The following RALGPS2 variants were observed in gnomAD, a reference collection of about 807,000 sequenced individuals.
The protein encoded by RALGPS2 is Ral GEF with PH domain and SH3 binding motif 2.
Under a neutral mutation model 86.8 loss-of-function variants are expected in RALGPS2, and 43 were observed. The observed-to-expected ratio is 0.50, with a 90% CI of 0.39 to 0.64. RALGPS2 has a LOEUF of 0.64. Among genes scored for constraint, RALGPS2 ranks in the 30% least tolerant of loss-of-function variants. The pLI, the probability that RALGPS2 is intolerant of heterozygous loss-of-function variation, is 0.00. For missense variants in RALGPS2, 536 were observed against 694.6 expected (o/e 0.77, Z 2.57); for synonymous variants, 243 against 231.3 (o/e 1.05, Z -0.46).
At chr1:178,893,292 G>T (rs1365716646) in intron 15 of RALGPS2, among the ~76,000 whole-genome samples, 4 of 151,266 alleles carry the variant, frequency 2.6e-5, no homozygotes, top group African/African-American at 4.8e-5. Flanking sequence ...TTGAGTTTTG[G>T]GTTTTTTCCT....
intron 1 of RALGPS2, among the ~76,000 whole-genome samples, chr1:178,767,869 C>T (rs566664872): frequency 3.3e-5 from 5 of 152,234 alleles, no homozygotes; most frequent in South Asian, 2.1e-4. Context: ...TGGGGATGCC[C>T]GCCCTGCCAT....
intron 11 of RALGPS2, among the ~76,000 whole-genome samples, chr1:178,883,780 T>C (rs1286742101): frequency 6.6e-6 from 1 of 151,904 alleles, no homozygotes; most frequent in Non-Finnish European, 1.5e-5. Context: ...GGTCAGGAGA[T>C]CAAGACCATC....
At chr1:178,895,606 G>A (rs1276570081) in intron 16 of RALGPS2, among the ~76,000 whole-genome samples, 1 of 152,074 alleles carries the variant, frequency 6.6e-6, no homozygotes, top group Non-Finnish European at 1.5e-5. Context: ...AAGAAGGCTT[G>A]TGTAGTTTAC....
chr1:178,725,771 C>G (rs983030746), intron 1 of RALGPS2: 2 of 152,208 alleles, frequency 1.3e-5, no homozygotes, highest in Non-Finnish European at 2.9e-5. Flanking sequence ...AGCCTCCGCC[C>G]GCTCTGTTCT....
At position 178,747,365 on chromosome 1, in the gene RALGPS2, A is replaced by C; in HGVS notation, c.-84+21946A>C. On this transcript the variant is annotated intron_variant, in intron 1 of 19. Coordinates refer to ENST00000367635, the MANE Select transcript of RALGPS2 (RefSeq NM_152663.5). ...GGTTTCACCACTATTGATATTTTCT[A>C]ATTGTGGTAGATGTACTGTATAATA... The C allele has an allele frequency of 2.0e-6, 3 of 1,534,580 alleles. No individual in the cohort carries two copies. In the South Asian group the frequency reaches 3.4e-5, roughly 17 times the overall value.
At chr1:178,839,403 A>G (rs1656462858) in intron 8 of RALGPS2, among the ~76,000 whole-genome samples, 2 of 152,216 alleles carry the variant, frequency 1.3e-5, no homozygotes, top group South Asian at 4.1e-4. Context: ...TTTCATATCC[A>G]GCCAAACTAA....
intron 14 of RALGPS2, among the ~76,000 whole-genome samples, chr1:178,891,778 T>A (rs903403938): frequency 6.6e-6 from 1 of 152,082 alleles, no homozygotes; most frequent in African/African-American, 2.4e-5. Context: ...CTCATGAGTT[T>A]ACAAGCCACA....
intron 9 of RALGPS2, among the ~76,000 whole-genome samples, chr1:178,878,033 C>G (rs995773534): frequency 1.3e-5 from 2 of 152,020 alleles, no homozygotes; most frequent in African/African-American, 4.8e-5. Context: ...TTTGATCTCC[C>G]TGATCTATTA....
intron 4 of RALGPS2, among the ~76,000 whole-genome samples, chr1:178,794,597 T>C (rs1261899356): frequency 1.3e-5 from 2 of 152,236 alleles, no homozygotes; most frequent in Non-Finnish European, 2.9e-5. Context: ...AAAGCTTGTA[T>C]TTCTTCAGAA....
intron 11 of RALGPS2, among the ~76,000 whole-genome samples, chr1:178,883,773 C>T (rs1014188198): frequency 5.3e-5 from 8 of 152,086 alleles, no homozygotes; most frequent in African/African-American, 1.9e-4. Context: ...ATCACAGGGT[C>T]AGGAGATCAA....
chr1:178,889,662 C>A lies in RALGPS2; in HGVS notation c.1213C>A (p.Leu405Ile). 1 of 1,608,090 alleles carries A rather than the reference C, an allele frequency of 6.2e-7. No individual in the cohort carries two copies. Among genetic ancestry groups the A allele is most frequent in the Non-Finnish European group, 8.5e-7 (1 of 1,176,524 alleles). Reference sequence around the variant, plus strand: ...TTTAGGTAGCAGCGATGGTTCTGAACTAAGTGAAGAGACCTCATGGCCTGC... The same window carrying A: ...TTTAGGTAGCAGCGATGGTTCTGAAATAAGTGAAGAGACCTCATGGCCTGC... The part of the protein sequence containing the change: ...ISIGSSDGSE[L>I]SEETSWPAFE... Residue 405 changes from leucine to isoleucine, a missense_variant, in exon 14 of 20, where the codon CTA becomes ATA. Leu to Ile is a conservative substitution (Grantham distance 5). Around this residue, in one of 3 missense-constraint regions of RALGPS2, gnomAD observed 309 missense variants for 363.0 expected, o/e 0.85. Coordinates refer to ENST00000367635, the MANE Select transcript of RALGPS2 (RefSeq NM_152663.5).
chr1:178,757,462 TC>T (rs1652012298), intron 1 of RALGPS2, among the ~76,000 whole-genome samples: 2 of 152,196 alleles, frequency 1.3e-5, no homozygotes, highest in Non-Finnish European at 2.9e-5. Context: ...TGAGGTATGT[TC>T]CTTTGATGCC....
intron 1 of RALGPS2, among the ~76,000 whole-genome samples, chr1:178,756,127 AC>A (rs1490575643): frequency 1.3e-5 from 2 of 151,796 alleles, no homozygotes; most frequent in African/African-American, 2.4e-5. Context: ...TTGTCTGTTG[AC>A]CCTGTTGATT....
chr1:178,892,623 G>C (rs1659765842), intron 15 of RALGPS2, among the ~76,000 whole-genome samples: 1 of 151,960 alleles, frequency 6.6e-6, no homozygotes, highest in South Asian at 2.1e-4. Flanking sequence ...ATAAAAATCT[G>C]CTTCTTTATT....
intron 4 of RALGPS2, among the ~76,000 whole-genome samples, chr1:178,805,937 A>G (rs1654720499): frequency 6.6e-6 from 1 of 152,034 alleles, no homozygotes; most frequent in Admixed American, 6.6e-5. Flanking sequence ...TTCCAAACAC[A>G]TAAGGAATTT....
intron 4 of RALGPS2, among the ~76,000 whole-genome samples, chr1:178,786,770 A>C (rs1653672128): frequency 6.6e-6 from 1 of 152,030 alleles, no homozygotes; most frequent in Admixed American, 6.6e-5. Flanking sequence ...CGGGAACAAA[A>C]TATAGTGTAT....
intron 1 of RALGPS2, among the ~76,000 whole-genome samples, chr1:178,773,973 G>A (rs534286353): frequency 6.6e-5 from 10 of 152,216 alleles, no homozygotes; most frequent in Non-Finnish European, 1.0e-4. Flanking sequence ...AGGTGCAGTG[G>A]CTGACGCCTG....
At chr1:178,786,303 T>C (rs771525475) in intron 4 of RALGPS2, among the ~76,000 whole-genome samples, 17 of 152,068 alleles carry the variant, frequency 1.1e-4, no homozygotes, top group Non-Finnish European at 1.5e-4. Context: ...ACCTATTGCT[T>C]TGAAGCTTTT....
intron 1 of RALGPS2, among the ~76,000 whole-genome samples, chr1:178,772,334 A>G (rs957698544): frequency 6.6e-6 from 1 of 152,160 alleles, no homozygotes; most frequent in Non-Finnish European, 1.5e-5. Flanking sequence ...CCTCATACCC[A>G]CCAAAAACAA....
Sources: allele counts gnomAD v4.1 joint callset (sites outside exome capture counted in the v4.1 genomes callset), GRCh38; gene constraint gnomAD v4.1.1; regional missense constraint gnomAD v4.1.1; transcripts MANE v1.5; gene names NCBI Gene and HGNC (gene_info 2026-07-23, HGNC 2026-07-21).